IMMP2L: variants seen among roughly 807,000 people sequenced by gnomAD.
IMMP2L encodes inner mitochondrial membrane peptidase subunit 2.
A neutral mutation model predicts 19.3 loss-of-function variants in IMMP2L; 18 were observed. The observed-to-expected ratio is 0.93, with a 90% CI of 0.64 to 1.38. The LOEUF (loss-of-function observed/expected upper bound fraction) is 1.38, where lower values mean the gene tolerates loss of function less well. Among genes scored for constraint, IMMP2L ranks in the 40% most tolerant of loss-of-function variants. The pLI is 0.00. For missense variants in IMMP2L, 233 were observed against 218.2 expected (o/e 1.07, Z -0.43); for synonymous variants, 76 against 73.0 (o/e 1.04, Z -0.21).
intron 4 of IMMP2L, among the ~76,000 whole-genome samples, chr7:110,959,141 T>G (rs142187303): frequency 1.4e-3 from 217 of 152,108 alleles, no homozygotes; most frequent in African/African-American, 4.9e-3. Context: ...AAACCTACAG[T>G]AAGTATAAAT....
chr7:110,835,791 T>C (rs998055632), intron 5 of IMMP2L, among the ~76,000 whole-genome samples: 1 of 152,160 alleles, frequency 6.6e-6, no homozygotes, highest in Non-Finnish European at 1.5e-5. Context: ...ATAATTCTGT[T>C]TGTTATTCTC....
intron 3 of IMMP2L, among the ~76,000 whole-genome samples, chr7:111,049,469 A>G (rs1010919130): frequency 2.3e-4 from 35 of 152,118 alleles, no homozygotes; most frequent in African/African-American, 8.0e-4. Context: ...AAGGGATATT[A>G]AAACTTCAGC....
intron 1 of IMMP2L, among the ~76,000 whole-genome samples, chr7:111,545,768 G>T (rs746790747): frequency 2.0e-5 from 3 of 152,008 alleles, no homozygotes; most frequent in Non-Finnish European, 4.4e-5. Flanking sequence ...AGTACATTTT[G>T]AGTTGAATAT....
chr7:110,980,087 C>G (rs1821108055), intron 3 of IMMP2L, among the ~76,000 whole-genome samples: 1 of 151,874 alleles, frequency 6.6e-6, no homozygotes, highest in Non-Finnish European at 1.5e-5. Context: ...AATAAAAAGC[C>G]CTTTCATTTC....
At chr7:111,286,568 T>G (rs1820507281) in intron 3 of IMMP2L, among the ~76,000 whole-genome samples, 1 of 152,150 alleles carries the variant, frequency 6.6e-6, no homozygotes, top group African/African-American at 2.4e-5. Context: ...ATGCAAATAT[T>G]ATCATAGAGA....
intron 2 of IMMP2L, among the ~76,000 whole-genome samples, chr7:111,511,958 C>A (rs1398163370): frequency 1.3e-5 from 2 of 152,186 alleles, no homozygotes; most frequent in East Asian, 3.9e-4. Flanking sequence ...ACTTTCCCCA[C>A]CCCAGTTAGT....
At chr7:111,164,639 A>G (rs941466039) in intron 3 of IMMP2L, among the ~76,000 whole-genome samples, 2 of 152,070 alleles carry the variant, frequency 1.3e-5, no homozygotes, top group Non-Finnish European at 2.9e-5. Flanking sequence ...AGAAAACTGG[A>G]TCCAGTTTAA....
At chr7:110,776,160 T>C (rs1369233607) in intron 5 of IMMP2L, among the ~76,000 whole-genome samples, 2 of 151,982 alleles carry the variant, frequency 1.3e-5, no homozygotes, top group African/African-American at 4.8e-5. Context: ...ACCAAAGTCA[T>C]TAGTAATTCC....
intron 4 of IMMP2L, among the ~76,000 whole-genome samples, chr7:110,929,864 A>G (rs978691314): frequency 2.6e-5 from 4 of 152,220 alleles, no homozygotes; most frequent in African/African-American, 9.6e-5. Context: ...GAGAAATGTC[A>G]TGAAATGATT....
At chr7:111,289,647 T>C (rs188906118) in intron 3 of IMMP2L, among the ~76,000 whole-genome samples, 18 of 152,230 alleles carry the variant, frequency 1.2e-4, no homozygotes, top group Admixed American at 1.1e-3. Context: ...AGATCCAAGC[T>C]ATTTTGTAGA....
intron 3 of IMMP2L, among the ~76,000 whole-genome samples, chr7:111,354,754 A>T (rs756043626): frequency 6.6e-6 from 1 of 151,672 alleles, no homozygotes; most frequent in African/African-American, 2.4e-5. Context: ...GACTTATTGG[A>T]AAGAATATTT....
Position 110,758,236 on chromosome 7 carries a change from AAAAT to A in IMMP2L, c.409-94519_409-94516del, listed in dbSNP as rs1460560377. On this transcript the variant is annotated intron_variant, in intron 5 of 5. Coordinates refer to ENST00000405709, the MANE Select transcript of IMMP2L (RefSeq NM_032549.4). The surrounding 1 kb of genome is among the most constrained non-coding windows in gnomAD (Gnocchi z 4.6). Reference sequence around the variant, plus strand: ...TGGTTTCTGTACAGTGATGTGGGTGAAAATCTGACTGGAGTGGACTTAAGAGAAT... The same window carrying A: ...TGGTTTCTGTACAGTGATGTGGGTGACTGACTGGAGTGGACTTAAGAGAAT... Among the ~76,000 whole-genome samples the A allele has an allele frequency of 7.2e-5, 11 of 152,068 alleles. No individual in the cohort carries two copies. Among genetic ancestry groups the A allele is most frequent in the Non-Finnish European group, 1.6e-4 (11 of 68,016 alleles).
At chr7:111,209,347 A>G (rs1811062337) in intron 3 of IMMP2L, among the ~76,000 whole-genome samples, 1 of 148,906 alleles carries the variant, frequency 6.7e-6, no homozygotes, top group Admixed American at 6.8e-5. Context: ...CAGTGAGCTG[A>G]GATCATGCCA....
At chr7:111,317,561 C>T (rs1824241159) in intron 3 of IMMP2L, among the ~76,000 whole-genome samples, 1 of 151,948 alleles carries the variant, frequency 6.6e-6, no homozygotes, top group African/African-American at 2.4e-5. Flanking sequence ...TAATAAAATA[C>T]TCAAAGGTCT....
chr7:111,542,448 C>T (rs139084828), intron 1 of IMMP2L, among the ~76,000 whole-genome samples: 165 of 152,080 alleles, frequency 1.1e-3, no homozygotes, highest in African/African-American at 3.8e-3. Flanking sequence ...AGATATAAAC[C>T]GATGCTCAGA....
chr7:111,018,783 T>C (rs1825959377), intron 3 of IMMP2L, among the ~76,000 whole-genome samples: 3 of 127,124 alleles, frequency 2.4e-5, no homozygotes, highest in Admixed American at 1.8e-4. Flanking sequence ...AAATTGTGTG[T>C]CTTTTTATTA....
rs541591034 is a variant in IMMP2L at position 111,028,569 on chromosome 7, ACTGT to A, written c.240-65008_240-65005del. Among the ~76,000 whole-genome samples the A allele has an allele frequency of 2.0e-4, 30 of 152,246 alleles. No individual in the cohort carries two copies. The South Asian group carries it at 6.0e-3, about 30-fold the overall frequency. On this transcript the variant is annotated intron_variant, in intron 3 of 5. Transcript: ENST00000405709. ...GTTTATTTCTAATGAAGATGGTATG[ACTGT>A]CTGCATAACAGGTTATTAAATACAC... is the stretch of plus-strand genomic sequence containing the variant.
At chr7:111,036,383 A>C (rs1791357972) in intron 3 of IMMP2L, among the ~76,000 whole-genome samples, 1 of 152,186 alleles carries the variant, frequency 6.6e-6, no homozygotes, top group South Asian at 2.1e-4. Context: ...TCTTAAAATA[A>C]AAGTGTTCGC....
rs1334917084 is a variant in IMMP2L at position 111,562,289 on chromosome 7, C to G, written c.-441G>C. The G allele has an allele frequency of 2.0e-5, 3 of 152,400 alleles. No homozygotes were observed. The highest frequency in any genetic ancestry group is 4.4e-5 in the Non-Finnish European group (3 of 68,294). The allele number at this position is 152,400 out of a possible 1,614,324, so 9.4% of individuals were successfully genotyped here. A position where few individuals can be genotyped will look rare whatever the true frequency, so the allele number is the denominator to read the frequency against. On this transcript the variant is annotated 5_prime_UTR_variant, in exon 1 of 6. Coordinates refer to ENST00000405709, the MANE Select transcript of IMMP2L (RefSeq NM_032549.4). Reference sequence around the variant, plus strand: ...GCTCGCGATCACGCAGGACTCGCGGCCGCGCACCCCTCCGCCTCCCGGCAA... The same window carrying G: ...GCTCGCGATCACGCAGGACTCGCGGGCGCGCACCCCTCCGCCTCCCGGCAA...
Sources: allele counts gnomAD v4.1 joint callset (sites outside exome capture counted in the v4.1 genomes callset), GRCh38; gene constraint gnomAD v4.1.1; non-coding constraint Gnocchi (gnomAD v3.1); transcripts MANE v1.5; gene names NCBI Gene and HGNC (gene_info 2026-07-23, HGNC 2026-07-21).